The following FCRL4 variants were observed in gnomAD, a reference collection of about 807,000 sequenced individuals.
FCRL4 encodes Fc receptor-like protein 4.
A neutral mutation model predicts 64.1 loss-of-function variants in FCRL4; 43 were observed. The observed-to-expected ratio is 0.67, with a 90% CI of 0.53 to 0.87. The LOEUF (loss-of-function observed/expected upper bound fraction) is 0.87, where lower values mean the gene tolerates loss of function less well. Ranked by LOEUF, FCRL4 falls within the 40% of genes least tolerant of loss-of-function variation. The pLI, the probability that FCRL4 is intolerant of heterozygous loss-of-function variation, is 0.00. For missense variants in FCRL4, 656 were observed against 613.5 expected, an observed-to-expected ratio of 1.07 and a Z score of -0.73; for synonymous variants, 253 against 239.8, an observed-to-expected ratio of 1.05 and a Z score of -0.51.
At chr1:157,595,641 A>G (rs905525828) in intron 2 of FCRL4, among the ~76,000 whole-genome samples, 1 of 152,234 alleles carries the variant, frequency 6.6e-6, no homozygotes, top group Non-Finnish European at 1.5e-5. Flanking sequence ...TGTCTCAGGA[A>G]GGGTGTGTGG....
At chr1:157,580,417 G>T in intron 7 of FCRL4, 69 bp from the exon 8 acceptor site, 1 of 1,525,756 alleles carries the variant, frequency 6.6e-7, no homozygotes, top group African/African-American at 1.4e-5. Context: ...TCATGTAACA[G>T]GAGCTATCTA....
chr1:157,575,548 G>C lies in FCRL4; in HGVS notation c.1524C>G (p.Ile508Met). Residue 508 changes from isoleucine to methionine, a missense_variant, in exon 12 of 12, where the codon ATC becomes ATG. Transcript: ENST00000271532. ...CTTAACTTTCTTCATCCTTAGAGCT[G>C]ATCTTTCCAGCTGAGTTATCTGGGT... is the stretch of plus-strand genomic sequence containing the variant. ...TQHPDNSAGK[I>M]SSKDEES is the part of the protein sequence containing the mutation. 1 of 1,613,664 alleles carries C rather than the reference G, an allele frequency of 6.2e-7. No homozygotes were observed. Among genetic ancestry groups the C allele is most frequent in the Non-Finnish European group, 8.5e-7 (1 of 1,179,662 alleles).
At chr1:157,594,111 A>G (rs1044769545) in intron 2 of FCRL4, among the ~76,000 whole-genome samples, 1 of 152,236 alleles carries the variant, frequency 6.6e-6, no homozygotes, top group South Asian at 2.1e-4. Flanking sequence ...ACGATTATGA[A>G]GGAGAAATCT....
Position 157,595,386 on chromosome 1 carries a change from G to A in FCRL4, c.52+942C>T, listed in dbSNP as rs77379129. ...GCAATAGGTCTTCTACTGGAGGGAA[G>A]GAGAGTTGATTTCCTTTGATGTATG... On this transcript the variant is annotated intron_variant, in intron 2 of 11. Transcript: ENST00000271532. Among the ~76,000 whole-genome samples the A allele has an allele frequency of 6.1e-3, 925 of 152,340 alleles. 41 individuals carry two copies. The East Asian group carries it at 0.13, about 21-fold the overall frequency.
At chr1:157,577,863 T>C (rs144463432) in intron 10 of FCRL4, among the ~76,000 whole-genome samples, 39 of 152,322 alleles carry the variant, frequency 2.6e-4, no homozygotes, top group African/African-American at 9.4e-4. Context: ...GACCATCTGA[T>C]GTAGAGTCCC....
chr1:157,592,135 T>A lies in FCRL4; in HGVS notation c.53-2677A>T, dbSNP rs1652852303. Among the ~76,000 whole-genome samples the A allele has an allele frequency of 2.6e-5, 4 of 152,102 alleles. No homozygotes were observed. The South Asian group carries it at 8.3e-4, about 31-fold the overall frequency. On this transcript the variant is annotated intron_variant, in intron 2 of 11. Transcript: ENST00000271532. ...ACTTAAATGGAAGACCTAAAAACCA[T>A]AAAAACTCTAGAAGAAAACCTAGGC...
At chr1:157,577,059 C>G (rs558179127) in intron 10 of FCRL4, among the ~76,000 whole-genome samples, 28 of 152,152 alleles carry the variant, frequency 1.8e-4, no homozygotes, top group African/African-American at 6.5e-4. Context: ...TCTAAGAACC[C>G]AGGTTAATCA....
At chr1:157,581,329 T>C (rs1652554091) in intron 7 of FCRL4, among the ~76,000 whole-genome samples, 1 of 152,222 alleles carries the variant, frequency 6.6e-6, no homozygotes, top group Admixed American at 6.5e-5. Flanking sequence ...TCAGACTAGA[T>C]ATGAGCAGCT....
intron 2 of FCRL4, among the ~76,000 whole-genome samples, chr1:157,592,863 TA>T (rs1296704930): frequency 1.8e-4 from 27 of 152,182 alleles, no homozygotes; most frequent in Admixed American, 3.9e-4. Context: ...TAGACTGGAT[TA>T]AGAAAATGTG....
Position 157,574,931 on chromosome 1 carries a change from T to C in FCRL4, c.*593A>G, listed in dbSNP as rs960466693. The stretch of plus-strand genomic sequence containing the variant: ...GAGCTTGCATCTCCAGCTCTTCTGA[T>C]GTCCTCTTTTAAATTCCTCTCTCTG... On this transcript the variant is annotated 3_prime_UTR_variant, in exon 12 of 12. Coordinates refer to ENST00000271532, the MANE Select transcript of FCRL4 (RefSeq NM_031282.3). 4.7e-5 allele frequency: 10 copies of C among 214,306 alleles called. No individual in the cohort carries two copies. The highest frequency in any genetic ancestry group is 6.6e-5 in the Non-Finnish European group (7 of 106,222). The allele number at this position is 214,306 out of a possible 1,614,324, so 13.3% of individuals were successfully genotyped here.
In FCRL4 at chr1:157,586,605, G is replaced by T. The variant is rs1027998855; in HGVS notation, c.848-150C>A. 6.0e-6 allele frequency: 4 copies of T among 666,638 alleles called. No individual in the cohort carries two copies. In the South Asian group the frequency reaches 7.8e-5, roughly 13 times the overall value. 41.3% of individuals were successfully genotyped at this position (666,638 alleles called of 1,614,324 possible). On this transcript the variant is annotated intron_variant, in intron 5 of 11. Coordinates refer to ENST00000271532, the MANE Select transcript of FCRL4 (RefSeq NM_031282.3). ...TTGTGGCCAATAGACCACAGATTTA[G>T]CGCTGAGAATATCACTAAATGTGAT...
chr1:157,583,217 T>G (rs368083469), intron 6 of FCRL4, among the ~76,000 whole-genome samples: 10 of 152,200 alleles, frequency 6.6e-5, no homozygotes, highest in African/African-American at 2.2e-4. Context: ...TGCCTGCCAC[T>G]TAAGTGTTAC....
Position 157,574,036 on chromosome 1 carries a change from A to G in FCRL4, c.*1488T>C, listed in dbSNP as rs1652346841. Reference sequence around the variant, plus strand: ...CTTTTTCTCTTTTTTTGGGGGTGATACATGTGACAAATTCATACACTCATA... The same window carrying G: ...CTTTTTCTCTTTTTTTGGGGGTGATGCATGTGACAAATTCATACACTCATA... On this transcript the variant is annotated 3_prime_UTR_variant, in exon 12 of 12. Transcript: ENST00000271532. The G allele has an allele frequency of 4.8e-6, 1 of 208,706 alleles. No homozygotes were observed. The highest frequency in any genetic ancestry group is 2.3e-5 in the African/African-American group (1 of 44,004). 12.9% of individuals were successfully genotyped at this position (208,706 alleles called of 1,614,324 possible). A position where few individuals can be genotyped will look rare whatever the true frequency, so the allele number is the denominator to read the frequency against.
intron 10 of FCRL4, among the ~76,000 whole-genome samples, chr1:157,578,098 C>A (rs1652455832): frequency 6.6e-6 from 1 of 152,122 alleles, no homozygotes; most frequent in South Asian, 2.1e-4. Context: ...CATGCATATA[C>A]ATATATGTGT....
chr1:157,596,299 A>G, intron 2 of FCRL4, 29 bp downstream of exon 2: 2 of 1,609,802 alleles, frequency 1.2e-6, no homozygotes, highest in Non-Finnish European at 1.7e-6. Context: ...ATCTAGAGAC[A>G]TAAAGGAGCA....
chr1:157,596,469 A>T, intron 1 of FCRL4, 121 bp from the exon 2 acceptor site: 3 of 1,110,810 alleles, frequency 2.7e-6, no homozygotes, highest in Non-Finnish European at 4.1e-6. Flanking sequence ...GTTCCATTCC[A>T]TCCATCCCAG....
intron 6 of FCRL4, among the ~76,000 whole-genome samples, chr1:157,585,344 C>CTCTTCCTTTCTTTCTTTCTT (rs1553276893): frequency 5.5e-4 from 45 of 81,318 alleles, no homozygotes; most frequent in African/African-American, 1.8e-3. Flanking sequence ...CTTTCTCTCT[C>CTCTTCCTTTCTTTCTTTCTT]TCTTTCTTTC....
rs1028799980 is a variant in FCRL4, at chr1:157,598,046, T to C, written c.-102A>G. ...GCCTACACCAGCACCAGCAGTGAGC[T>C]CAGTAAGCTTCTTCTCTGCATAAAG... On this transcript the variant is annotated 5_prime_UTR_variant, in exon 1 of 12. Coordinates refer to ENST00000271532, the MANE Select transcript of FCRL4 (RefSeq NM_031282.3). 2 of 785,074 alleles carry C rather than the reference T, an allele frequency of 2.5e-6. No individual in the cohort carries two copies. The highest frequency in any genetic ancestry group is 4.5e-6 in the Non-Finnish European group (2 of 446,114). The allele number at this position is 785,074 out of a possible 1,614,324, so 48.6% of individuals were successfully genotyped here. A position where few individuals can be genotyped will look rare whatever the true frequency, so the allele number is the denominator to read the frequency against.
rs547052928 is a variant in FCRL4, at chr1:157,584,061, A to C, written c.1135+2107T>G. ...GAAGCTGATCCATTCTGATGATCTT[A>C]ACCCCCAAAAGGAAGAGGAATAATT... On this transcript the variant is annotated intron_variant, in intron 6 of 11. Transcript: ENST00000271532. 8.5e-5 allele frequency among the ~76,000 whole-genome samples: 13 copies of C among 152,334 alleles called. No individual in the cohort carries two copies. In the East Asian group the frequency reaches 2.5e-3, roughly 29 times the overall value.
Sources: allele counts gnomAD v4.1 joint callset (sites outside exome capture counted in the v4.1 genomes callset), GRCh38; gene constraint gnomAD v4.1.1; transcripts MANE v1.5; gene names NCBI Gene and HGNC (gene_info 2026-07-23, HGNC 2026-07-21).